Variants in SMURF1 observed in about 807,000 individuals in gnomAD.
SMURF1 encodes SMAD specific E3 ubiquitin protein ligase 1, also known as E3 ubiquitin-protein ligase SMURF1.
Under a neutral mutation model 98.0 loss-of-function variants are expected in SMURF1, and 44 were observed. That is an observed-to-expected ratio of 0.45 (90% CI 0.35 to 0.58). The LOEUF is 0.58. Among genes scored for constraint, SMURF1 ranks in the 20% least tolerant of loss-of-function variants. The pLI is 0.00. For synonymous variants in SMURF1, 396 were observed against 374.9 expected, an observed-to-expected ratio of 1.06 and a Z score of -0.65; for missense variants, 687 against 938.4, an observed-to-expected ratio of 0.73 and a Z score of 3.50.
At chr7:99,099,652 G>A (rs894399848) in intron 1 of SMURF1, among the ~76,000 whole-genome samples, 1 of 152,124 alleles carries the variant, frequency 6.6e-6, no homozygotes, top group Non-Finnish European at 1.5e-5. Flanking sequence ...CTGGGTCATG[G>A]GGGTGGAGCT....
intron 1 of SMURF1, among the ~76,000 whole-genome samples, chr7:99,122,512 C>G (rs531852169): frequency 2.6e-5 from 4 of 151,468 alleles, no homozygotes; most frequent in African/African-American, 9.7e-5. Context: ...GGTGTGGTGG[C>G]GGGCGCCTGT....
At chr7:99,128,802 T>A (rs921226488) in intron 1 of SMURF1, among the ~76,000 whole-genome samples, 2 of 152,224 alleles carry the variant, frequency 1.3e-5, no homozygotes, top group African/African-American at 4.8e-5. Flanking sequence ...CCAAACAGGT[T>A]TATTCAAGCA....
chr7:99,136,923 C>T (rs1243878064), intron 1 of SMURF1, among the ~76,000 whole-genome samples: 2 of 152,168 alleles, frequency 1.3e-5, no homozygotes, highest in African/African-American at 2.4e-5. Flanking sequence ...GCACCCCAGT[C>T]TGGGTAACAG....
chr7:99,092,466 G>A (rs1297627158), intron 1 of SMURF1, among the ~76,000 whole-genome samples: 9 of 152,166 alleles, frequency 5.9e-5, no homozygotes, highest in Admixed American at 5.2e-4. Flanking sequence ...GAGCAACAAC[G>A]ACAACAAAAA....
At chr7:99,035,823 A>G (rs760842349) in intron 15 of SMURF1, 107 bp from the exon 16 acceptor site, 1 of 1,074,204 alleles carries the variant, frequency 9.3e-7, no homozygotes, top group Non-Finnish European at 1.4e-6. Flanking sequence ...TTCCCAAGCA[A>G]AGCAGCAGCT....
At chr7:99,114,081 G>A (rs978278446) in intron 1 of SMURF1, among the ~76,000 whole-genome samples, 1 of 151,994 alleles carries the variant, frequency 6.6e-6, no homozygotes, top group African/African-American at 2.4e-5. Context: ...TAAAGTGGTG[G>A]ACAGAACTAT....
At chr7:99,108,670 AGCAT>A (rs1426679414) in intron 1 of SMURF1, among the ~76,000 whole-genome samples, 3 of 150,814 alleles carry the variant, frequency 2.0e-5, no homozygotes, top group Non-Finnish European at 4.4e-5. Flanking sequence ...AGGACACAGG[AGCAT>A]TGCCCATTAG....
intron 1 of SMURF1, among the ~76,000 whole-genome samples, chr7:99,122,369 C>T (rs533474501): frequency 1.4e-5 from 2 of 146,070 alleles, no homozygotes; most frequent in African/African-American, 2.5e-5. Context: ...AAAGGCCGGG[C>T]GCAGTGGCTC....
At chr7:99,062,142 T>C (rs1796047320) in intron 1 of SMURF1, among the ~76,000 whole-genome samples, 1 of 151,550 alleles carries the variant, frequency 6.6e-6, no homozygotes, top group African/African-American at 2.4e-5. Flanking sequence ...TTGCCCAGGC[T>C]GGAGTGCAGG....
At chr7:99,099,223 T>C (rs1213682006) in intron 1 of SMURF1, among the ~76,000 whole-genome samples, 1 of 151,488 alleles carries the variant, frequency 6.6e-6, no homozygotes, top group Non-Finnish European at 1.5e-5. Context: ...TTTTTTTTTT[T>C]TTTTTGGAAA....
chr7:99,070,801 T>C (rs1378028078), intron 1 of SMURF1, among the ~76,000 whole-genome samples: 1 of 152,130 alleles, frequency 6.6e-6, no homozygotes, highest in Non-Finnish European at 1.5e-5. Context: ...AATGGATAAC[T>C]GCCTGCTTGA....
At chr7:99,093,762 T>C (rs1338991154) in intron 1 of SMURF1, among the ~76,000 whole-genome samples, 1 of 152,104 alleles carries the variant, frequency 6.6e-6, no homozygotes, top group African/African-American at 2.4e-5. Context: ...CTTTTCTATA[T>C]ATATATAATT....
intron 17 of SMURF1, among the ~76,000 whole-genome samples, chr7:99,031,943 A>AT (rs1794906986): frequency 1.3e-5 from 2 of 152,180 alleles, no homozygotes; most frequent in Non-Finnish European, 2.9e-5. Context: ...TGTATTTGTA[A>AT]ACCATACAGG....
At chr7:99,098,930 T>C (rs1293988123) in intron 1 of SMURF1, among the ~76,000 whole-genome samples, 2 of 152,152 alleles carry the variant, frequency 1.3e-5, no homozygotes, top group Non-Finnish European at 1.5e-5. Context: ...CCTTTCATCT[T>C]TGGCAGCAGC....
At chr7:99,114,334 T>C (rs557876582) in intron 1 of SMURF1, among the ~76,000 whole-genome samples, 39 of 152,226 alleles carry the variant, frequency 2.6e-4, no homozygotes, top group African/African-American at 9.4e-4. Flanking sequence ...GGATAACCCA[T>C]GCAAACAGTA....
At position 99,041,385 on chromosome 7, in the gene SMURF1, C is replaced by A. The variant is rs536661847; in HGVS notation, c.1371+733G>T. Among the ~76,000 whole-genome samples the A allele has an allele frequency of 6.6e-5, 10 of 152,178 alleles. No homozygotes were observed. In the South Asian group the frequency reaches 1.7e-3, roughly 25 times the overall value. On this transcript the variant is annotated intron_variant, in intron 12 of 17. Transcript: ENST00000361368. The stretch of plus-strand genomic sequence containing the variant: ...CCACTGCACTCCAGCCTGGGGGACA[C>A]AGCGAGACTCTCTCTCAAAAAAAAG...
Position 99,049,648 on chromosome 7 carries a change from T to A in SMURF1, c.868A>T (p.Ser290Cys). ...AAATATATCCTCCCAGAAACTGTACTTCTGACTTCCCAGCCTGGCGGCAGT... is the reference window on the plus strand; with the variant it reads ...AAATATATCCTCCCAGAAACTGTACATCTGACTTCCCAGCCTGGCGGCAGT... Reference protein sequence around the residue: ...GPLPPGWEVRSTVSGRIYFVD... With the variant: ...GPLPPGWEVRCTVSGRIYFVD... The change falls in exon 9 of 18, where the codon AGT (serine) becomes TGT (cysteine). Residue 290 changes from serine to cysteine, a missense_variant. Coordinates refer to ENST00000361368, the MANE Select transcript of SMURF1 (RefSeq NM_181349.3). 1 of 1,614,232 alleles carries A rather than the reference T, an allele frequency of 6.2e-7. No homozygotes were observed. Among genetic ancestry groups the A allele is most frequent in the Non-Finnish European group, 8.5e-7 (1 of 1,180,024 alleles).
intron 10 of SMURF1, among the ~76,000 whole-genome samples, chr7:99,046,310 G>A (rs1795572206): frequency 6.6e-6 from 1 of 152,176 alleles, no homozygotes; most frequent in African/African-American, 2.4e-5. Context: ...CAGAACACAT[G>A]TGATCAGCCT....
intron 1 of SMURF1, among the ~76,000 whole-genome samples, chr7:99,120,044 G>C (rs1797568588): frequency 6.6e-6 from 1 of 152,160 alleles, no homozygotes; most frequent in South Asian, 2.1e-4. Context: ...GAATGGGTTG[G>C]TGCCATCCCC....
Sources: allele counts gnomAD v4.1 joint callset (sites outside exome capture counted in the v4.1 genomes callset), GRCh38; gene constraint gnomAD v4.1.1; transcripts MANE v1.5; gene names NCBI Gene and HGNC (gene_info 2026-07-23, HGNC 2026-07-21).